Variants in SAMD12 observed in about 807,000 individuals in gnomAD.
The protein encoded by SAMD12 is sterile alpha motif domain containing 12, also known as sterile alpha motif domain-containing protein 12.
A neutral mutation model predicts 15.0 loss-of-function variants in SAMD12; 9 were observed. The ratio of observed to expected loss-of-function variants is 0.60; its 90% CI spans 0.36 to 1.05. The LOEUF is 1.05. Among genes scored for constraint, SAMD12 ranks in the 50% least tolerant of loss-of-function variants. The probability of loss-of-function intolerance (pLI) is 0.01; values close to 1 mark genes in which losing one functional copy is unlikely to be tolerated. For synonymous variants in SAMD12, 86 were observed against 90.1 expected (o/e 0.96, Z 0.25); for missense variants, 230 against 234.2 (o/e 0.98, Z 0.12).
intron 1 of SAMD12, among the ~76,000 whole-genome samples, chr8:118,615,191 G>C (rs984910356): frequency 1.3e-5 from 2 of 151,906 alleles, no homozygotes; most frequent in African/African-American, 4.8e-5. Flanking sequence ...ACTCAGTTTT[G>C]TGCCCTTTCC....
chr8:118,541,517 G>A (rs1007594435), intron 2 of SAMD12, among the ~76,000 whole-genome samples: 2 of 152,108 alleles, frequency 1.3e-5, no homozygotes, highest in African/African-American at 4.8e-5. Context: ...TTACTTAAAT[G>A]TGCCACTGTA....
intron 3 of SAMD12, among the ~76,000 whole-genome samples, chr8:118,407,961 T>A (rs1262003987): frequency 6.6e-6 from 1 of 152,110 alleles, no homozygotes; most frequent in African/African-American, 2.4e-5. Flanking sequence ...CTGGACTTCG[T>A]TCTCACTGTG....
exon 5 of SAMD12, chr8:118,190,925 C>T (rs548831983): frequency 3.9e-5 from 6 of 152,278 alleles, no homozygotes; most frequent in African/African-American, 1.4e-4. Context: ...ATATAAACCA[C>T]AACAGATCGA....
At chr8:118,455,328 T>C (rs904498992) in intron 2 of SAMD12, among the ~76,000 whole-genome samples, 1 of 151,806 alleles carries the variant, frequency 6.6e-6, no homozygotes, top group African/African-American at 2.4e-5. Context: ...GAATGCCTAT[T>C]ACTAAACATT....
At chr8:118,360,000 G>C (rs1169756542) in intron 4 of SAMD12, among the ~76,000 whole-genome samples, 1 of 152,060 alleles carries the variant, frequency 6.6e-6, no homozygotes, top group East Asian at 1.9e-4. Flanking sequence ...AATACTCTAC[G>C]AGCTGACCTT....
chr8:118,477,257 G>C (rs746883760), intron 2 of SAMD12, among the ~76,000 whole-genome samples: 1 of 152,004 alleles, frequency 6.6e-6, no homozygotes, highest in African/African-American at 2.4e-5. Context: ...GTAGAGACAG[G>C]GTTTTGCCAT....
At chr8:118,305,122 C>A (rs1185874096) in intron 4 of SAMD12, among the ~76,000 whole-genome samples, 1 of 122,956 alleles carries the variant, frequency 8.1e-6, no homozygotes, top group Non-Finnish European at 1.6e-5. Context: ...GCACTACAGC[C>A]TGGGCAAAAG....
the SAMD12 span, among the ~76,000 whole-genome samples, chr8:118,150,245 T>A: frequency 6.6e-6 from 1 of 152,250 alleles, no homozygotes; most frequent in Non-Finnish European, 1.5e-5. Context: ...ACTCATCACA[T>A]ACCTTCAAGT....
chr8:118,556,316 C>A (rs181818641), intron 2 of SAMD12, among the ~76,000 whole-genome samples: 1 of 152,188 alleles, frequency 6.6e-6, no homozygotes, highest in Non-Finnish European at 1.5e-5. Context: ...CACCCCTATA[C>A]TCTCAGCATG....
intron 2 of SAMD12, among the ~76,000 whole-genome samples, chr8:118,451,757 G>A (rs1445881863): frequency 6.6e-6 from 1 of 152,044 alleles, no homozygotes; most frequent in African/African-American, 2.4e-5. Context: ...AATCCATTAC[G>A]GTAGGGGGTG....
chr8:118,274,639 C>T (rs534152279), intron 4 of SAMD12, among the ~76,000 whole-genome samples: 1 of 152,234 alleles, frequency 6.6e-6, no homozygotes, highest in African/African-American at 2.4e-5. Context: ...AATTTACATA[C>T]ATATATCTTT....
At chr8:118,298,769 C>A (rs997816965) in intron 4 of SAMD12, among the ~76,000 whole-genome samples, 1 of 151,740 alleles carries the variant, frequency 6.6e-6, no homozygotes, top group African/African-American at 2.4e-5. Flanking sequence ...CATAAATGTA[C>A]AATAGAGTAA....
intron 2 of SAMD12, among the ~76,000 whole-genome samples, chr8:118,554,088 C>A (rs551936544): frequency 0.014 from 2,107 of 151,620 alleles, 52 homozygotes; most frequent in African/African-American, 0.048. Flanking sequence ...GTTGGTGGGA[C>A]TGTAAACTAG....
intron 4 of SAMD12, among the ~76,000 whole-genome samples, chr8:118,335,781 A>G (rs1817026208): frequency 6.6e-6 from 1 of 152,116 alleles, no homozygotes; most frequent in African/African-American, 2.4e-5. Flanking sequence ...GGACAGGGTC[A>G]CCCAGGCTAG....
At chr8:118,616,806 G>A (rs1241891614) in intron 1 of SAMD12, among the ~76,000 whole-genome samples, 1 of 152,182 alleles carries the variant, frequency 6.6e-6, no homozygotes, top group Non-Finnish European at 1.5e-5. Flanking sequence ...CAGTGAGCAA[G>A]CAAGCATTAC....
At chr8:118,585,748 A>T (rs1280531650) in intron 1 of SAMD12, among the ~76,000 whole-genome samples, 2 of 152,202 alleles carry the variant, frequency 1.3e-5, no homozygotes, top group Non-Finnish European at 2.9e-5. Context: ...TGGATTGCTG[A>T]TTGCTGGAAA....
At chr8:118,342,480 T>C (rs1267199470) in intron 4 of SAMD12, among the ~76,000 whole-genome samples, 1 of 152,194 alleles carries the variant, frequency 6.6e-6, no homozygotes, top group African/African-American at 2.4e-5. Context: ...TATCTCCTAC[T>C]TTGAAATTTC....
At chr8:118,330,876 G>T (rs927687266) in intron 4 of SAMD12, among the ~76,000 whole-genome samples, 3 of 151,976 alleles carry the variant, frequency 2.0e-5, no homozygotes, top group African/African-American at 4.8e-5. Flanking sequence ...TTCACTATTT[G>T]GGGGACAAGT....
At chr8:118,518,074 A>G (rs1360721222) in intron 2 of SAMD12, among the ~76,000 whole-genome samples, 1 of 152,260 alleles carries the variant, frequency 6.6e-6, no homozygotes, top group Admixed American at 6.5e-5. Context: ...AAAAAGTCCT[A>G]TAAAGATTTC....
Sources: allele counts gnomAD v4.1 joint callset (sites outside exome capture counted in the v4.1 genomes callset), GRCh38; gene constraint gnomAD v4.1.1; transcripts MANE v1.5; gene names NCBI Gene and HGNC (gene_info 2026-07-23, HGNC 2026-07-21).